The following MAML3 variants were observed in gnomAD, a reference collection of about 807,000 sequenced individuals.
MAML3 encodes the protein mastermind like transcriptional coactivator 3.
A neutral mutation model predicts 101.9 loss-of-function variants in MAML3; 27 were observed. The ratio of observed to expected loss-of-function variants is 0.27; its 90% CI spans 0.20 to 0.37. The LOEUF (loss-of-function observed/expected upper bound fraction) is 0.37, where lower values mean the gene tolerates loss of function less well. Among genes scored for constraint, MAML3 ranks in the 10% least tolerant of loss-of-function variants. The probability of loss-of-function intolerance (pLI) is 1.00; values close to 1 mark genes in which losing one functional copy is unlikely to be tolerated. For synonymous variants in MAML3, 501 were observed against 555.9 expected (o/e 0.90, Z 1.39); for missense variants, 1,316 against 1,444.9 (o/e 0.91, Z 1.45).
chr4:139,787,045 T>C (rs55901118), intron 2 of MAML3, among the ~76,000 whole-genome samples: 8,421 of 152,236 alleles, frequency 0.055, 291 homozygotes, highest in African/African-American at 0.091. Flanking sequence ...CTGTATGTAA[T>C]AGAAAAATTG....
chr4:139,792,510 T>G (rs931265767), intron 2 of MAML3, among the ~76,000 whole-genome samples: 2 of 152,210 alleles, frequency 1.3e-5, no homozygotes, highest in Non-Finnish European at 2.9e-5. Flanking sequence ...CACCATGGCA[T>G]AGCTATTCTG....
intron 2 of MAML3, among the ~76,000 whole-genome samples, chr4:139,818,194 G>C (rs572359993): frequency 2.6e-5 from 4 of 152,278 alleles, no homozygotes; most frequent in African/African-American, 9.6e-5. Context: ...TGGTTTTCCG[G>C]ATCTCTGAGA....
At chr4:139,907,002 A>G (rs1228835631) in intron 1 of MAML3, among the ~76,000 whole-genome samples, 1 of 152,236 alleles carries the variant, frequency 6.6e-6, no homozygotes, top group African/African-American at 2.4e-5. Flanking sequence ...CACACATCAA[A>G]AAGAGCTGAA....
At chr4:139,864,674 CA>C (rs70943450) in intron 2 of MAML3, among the ~76,000 whole-genome samples, 1,256 of 69,376 alleles carry the variant, frequency 0.018, 5 homozygotes, top group South Asian at 0.073. Context: ...GGCTCCGTCT[CA>C]AAAAAAAAAA....
intron 1 of MAML3, among the ~76,000 whole-genome samples, chr4:140,039,298 C>A (rs575432314): frequency 4.7e-4 from 71 of 152,234 alleles, no homozygotes; most frequent in African/African-American, 1.7e-3. Flanking sequence ...ACAGTCCTAT[C>A]ATGTCCCAAC....
At chr4:140,071,755 T>TAGAGAGAGAGAGAGAGAGAGAGAGAGAG (rs11268401) in intron 1 of MAML3, among the ~76,000 whole-genome samples, 27 of 137,356 alleles carry the variant, frequency 2.0e-4, no homozygotes, top group Non-Finnish European at 2.2e-4. Context: ...GGACCAGGAT[T>TAGAGAGAGAGAGAGAGAGAGAGAGAGAG]AGAGAGAGAG....
chr4:139,876,649 AC>A (rs1340147298), intron 2 of MAML3, among the ~76,000 whole-genome samples: 13 of 152,134 alleles, frequency 8.5e-5, no homozygotes, highest in Non-Finnish European at 1.9e-4. Flanking sequence ...CTGATCTAAA[AC>A]CTAGCTCTCA....
At chr4:139,938,617 T>C (rs1309651666) in intron 1 of MAML3, among the ~76,000 whole-genome samples, 1 of 152,208 alleles carries the variant, frequency 6.6e-6, no homozygotes, top group Non-Finnish European at 1.5e-5. Flanking sequence ...TGAACTCTTT[T>C]AATAGCCTGC....
intron 1 of MAML3, among the ~76,000 whole-genome samples, chr4:140,018,487 G>A (rs1020543424): frequency 1.3e-5 from 2 of 152,142 alleles, no homozygotes; most frequent in Non-Finnish European, 2.9e-5. Flanking sequence ...GCAAAGGACA[G>A]GTATTTGGCC....
At chr4:139,810,816 A>G (rs1276194955) in intron 2 of MAML3, among the ~76,000 whole-genome samples, 2 of 152,216 alleles carry the variant, frequency 1.3e-5, no homozygotes, top group African/African-American at 2.4e-5. Flanking sequence ...TCTCTTCAGT[A>G]GAATCCTGAT....
At chr4:140,071,477 A>G (rs7670848) in intron 1 of MAML3, among the ~76,000 whole-genome samples, 78,993 of 152,078 alleles carry the variant, frequency 0.52, 22,072 homozygotes, top group Non-Finnish European at 0.64. Flanking sequence ...GGACATTCCC[A>G]TTAACCCTGT....
At chr4:139,943,220 G>A (rs1371485060) in intron 1 of MAML3, among the ~76,000 whole-genome samples, 5 of 152,178 alleles carry the variant, frequency 3.3e-5, no homozygotes, top group Non-Finnish European at 5.9e-5. Flanking sequence ...TCTTACAGAA[G>A]AGATGAAGTT....
intron 1 of MAML3, among the ~76,000 whole-genome samples, chr4:139,946,769 G>A (rs1445433495): frequency 6.6e-6 from 1 of 151,906 alleles, no homozygotes; most frequent in African/African-American, 2.4e-5. Context: ...CTGGCCTCAG[G>A]GAGGTCATCA....
chr4:139,747,852 G>A (rs1036942689), intron 2 of MAML3, among the ~76,000 whole-genome samples: 6 of 151,572 alleles, frequency 4.0e-5, no homozygotes, highest in Admixed American at 3.9e-4. Context: ...TTAGGAGTTC[G>A]ACACAAGCCT....
intron 2 of MAML3, among the ~76,000 whole-genome samples, chr4:139,756,691 A>G (rs1341305164): frequency 6.6e-6 from 1 of 152,138 alleles, no homozygotes; most frequent in African/African-American, 2.4e-5. Context: ...TTCCCCCTAC[A>G]TTCTCTGCAA....
chr4:139,986,011 C>A (rs1734531749), intron 1 of MAML3, among the ~76,000 whole-genome samples: 1 of 152,262 alleles, frequency 6.6e-6, no homozygotes, highest in Non-Finnish European at 1.5e-5. Context: ...TCACTAGGAG[C>A]ATCCTCTTTT....
At chr4:140,018,040 G>A (rs1313516266) in intron 1 of MAML3, among the ~76,000 whole-genome samples, 1 of 152,080 alleles carries the variant, frequency 6.6e-6, no homozygotes, top group African/African-American at 2.4e-5. Context: ...GAATACGCTA[G>A]ATTATTAGTG....
intron 1 of MAML3, among the ~76,000 whole-genome samples, chr4:140,074,915 A>G (rs1209216454): frequency 6.6e-6 from 1 of 152,236 alleles, no homozygotes; most frequent in Non-Finnish European, 1.5e-5. Flanking sequence ...GCATATGAAG[A>G]ATAAATGAAT....
intron 4 of MAML3, among the ~76,000 whole-genome samples, chr4:139,724,836 G>T (rs1728400305): frequency 6.8e-6 from 1 of 147,784 alleles, no homozygotes; most frequent in Admixed American, 6.8e-5. Flanking sequence ...GTAGCTCACT[G>T]CAACCTCCAC....
Sources: gnomAD v4.1 joint callset for allele counts (sites outside exome capture counted in the v4.1 genomes callset) on GRCh38, gnomAD v4.1.1 for gene constraint, MANE v1.5 for transcripts, NCBI Gene and HGNC (gene_info 2026-07-23, HGNC 2026-07-21) for gene names.